Variants in TMEM38B observed in about 807,000 individuals in gnomAD.
TMEM38B encodes transmembrane protein 38B, also known as trimeric intracellular cation channel type B.
TMEM38B carries 24 observed loss-of-function variants against 28.7 expected under a neutral mutation model. The ratio of observed to expected loss-of-function variants is 0.84; its 90% CI spans 0.61 to 1.18. The LOEUF (loss-of-function observed/expected upper bound fraction) is 1.18. TMEM38B is among the 50% of genes most tolerant of loss of function. The pLI is 0.00. For synonymous variants in TMEM38B, 131 were observed against 127.7 expected (o/e 1.03, Z -0.17); for missense variants, 380 against 350.9 (o/e 1.08, Z -0.66).
intron 4 of TMEM38B, among the ~76,000 whole-genome samples, chr9:105,734,000 T>G (rs528519337): frequency 3.3e-5 from 5 of 152,188 alleles, no homozygotes; most frequent in African/African-American, 9.6e-5. Flanking sequence ...TGGGTTTACT[T>G]TGTTCTTTTT....
intron 5 of TMEM38B, among the ~76,000 whole-genome samples, chr9:105,750,568 T>A (rs1355226588): frequency 6.6e-6 from 1 of 152,194 alleles, no homozygotes; most frequent in Non-Finnish European, 1.5e-5. Context: ...GAGATGAGAT[T>A]GTGCCACTGC....
chr9:105,704,332 G>T (rs1165014569), intron 1 of TMEM38B, among the ~76,000 whole-genome samples: 1 of 152,100 alleles, frequency 6.6e-6, no homozygotes, highest in Non-Finnish European at 1.5e-5. Context: ...AGGATGCTGA[G>T]GTTGCTGTGA....
rs573931577 is a variant in TMEM38B, at chr9:105,755,499, T to G, written c.660+7309T>G. On this transcript the variant is annotated intron_variant, in intron 5 of 5. Coordinates refer to ENST00000374692, the MANE Select transcript of TMEM38B (RefSeq NM_018112.3). ...ATAGATAATAAAAAAGAAGTGTGAC[T>G]CCTCTGAGTTTGTTGTTCTTTTTCA... Among the ~76,000 whole-genome samples, 6 of 152,310 alleles carry G rather than the reference T, an allele frequency of 3.9e-5. No homozygotes were observed. The East Asian group carries it at 9.6e-4, about 24-fold the overall frequency.
Position 105,773,740 on chromosome 9 carries a change from G to A in TMEM38B, c.661-125G>A, listed in dbSNP as rs73667013. 2,299 of 815,134 alleles carry A rather than the reference G, an allele frequency of 2.8e-3. 23 individuals carry two copies. Among genetic ancestry groups the A allele is most frequent in the African/African-American group, 0.024 (1,402 of 57,724 alleles). The allele number at this position is 815,134 out of a possible 1,614,324, so 50.5% of individuals were successfully genotyped here. A position where few individuals can be genotyped will look rare whatever the true frequency, so the allele number is the denominator to read the frequency against. On this transcript the variant is annotated intron_variant, in intron 5 of 5. Transcript: ENST00000374692. ...AGAACAGAGATTTTACCAGAATCTA[G>A]CTTAGATTGCTTCCCCTGCAGATTA...
At chr9:105,714,804 C>T (rs1360267751) in intron 2 of TMEM38B, among the ~76,000 whole-genome samples, 7 of 152,120 alleles carry the variant, frequency 4.6e-5, no homozygotes, top group Admixed American at 1.3e-4. Context: ...TTCTCTAAGA[C>T]GTTCTGGTTT....
chr9:105,771,265 C>G (rs1191883220), intron 5 of TMEM38B, among the ~76,000 whole-genome samples: 2 of 152,086 alleles, frequency 1.3e-5, no homozygotes, highest in Admixed American at 6.6e-5. Flanking sequence ...AGGATTTATT[C>G]TATTTGTCAC....
chr9:105,762,346 C>T lies in TMEM38B; in HGVS notation c.661-11519C>T, dbSNP rs1334612592. On this transcript the variant is annotated intron_variant, in intron 5 of 5. Transcript: ENST00000374692. Reference sequence around the variant, plus strand: ...TATGTATACATGTGCCATGCTGGTGCGCTGCACCCACTAACTCATTATCTA... The same window carrying T: ...TATGTATACATGTGCCATGCTGGTGTGCTGCACCCACTAACTCATTATCTA... 4.0e-5 allele frequency among the ~76,000 whole-genome samples: 6 copies of T among 150,624 alleles called. No individual in the cohort carries two copies. The South Asian group carries it at 8.4e-4, about 21-fold the overall frequency.
intron 5 of TMEM38B, chr9:105,759,737 A>G (rs1269240869): frequency 5.0e-6 from 8 of 1,604,200 alleles, no homozygotes; most frequent in Non-Finnish European, 6.0e-6. Context: ...TCAGAGGAAA[A>G]TATTCAAAAG....
At chr9:105,719,040 T>C (rs113531902) in intron 2 of TMEM38B, among the ~76,000 whole-genome samples, 249 of 152,346 alleles carry the variant, frequency 1.6e-3, no homozygotes, top group African/African-American at 5.7e-3. Context: ...TAAGTGATAC[T>C]GTCTTCGATA....
intron 1 of TMEM38B, among the ~76,000 whole-genome samples, 165 bp from the exon 2 acceptor site, chr9:105,705,432 G>T (rs1002711871): frequency 6.6e-5 from 10 of 152,182 alleles, no homozygotes; most frequent in African/African-American, 2.4e-4. Flanking sequence ...TTGCTTTAAA[G>T]AATAAAAGGT....
chr9:105,721,929 T>C (rs376109682), intron 3 of TMEM38B, among the ~76,000 whole-genome samples: 1 of 152,176 alleles, frequency 6.6e-6, no homozygotes, highest in East Asian at 1.9e-4. Flanking sequence ...GAGTGTCTTA[T>C]GATAGAAAAT....
At chr9:105,748,686 A>G (rs770643496) in intron 5 of TMEM38B, among the ~76,000 whole-genome samples, 1 of 152,200 alleles carries the variant, frequency 6.6e-6, no homozygotes, top group Admixed American at 6.5e-5. Flanking sequence ...TTTGCTGCCT[A>G]GTCCCTGAAT....
At chr9:105,741,313 AC>A (rs1837194202) in intron 4 of TMEM38B, among the ~76,000 whole-genome samples, 1 of 152,196 alleles carries the variant, frequency 6.6e-6, no homozygotes, top group Non-Finnish European at 1.5e-5. Flanking sequence ...TGCTGCTGTA[AC>A]AGATACCTGG....
intron 5 of TMEM38B, among the ~76,000 whole-genome samples, chr9:105,764,772 C>T (rs1315655156): frequency 6.6e-6 from 1 of 151,206 alleles, no homozygotes; most frequent in Non-Finnish European, 1.5e-5. Flanking sequence ...CCCGCATCGC[C>T]AAGTCATCCT....
intron 5 of TMEM38B, among the ~76,000 whole-genome samples, chr9:105,753,286 G>A (rs898464667): frequency 2.6e-5 from 4 of 152,100 alleles, no homozygotes; most frequent in Non-Finnish European, 5.9e-5. Context: ...AACAAGACAA[G>A]CCAACATTCA....
intron 1 of TMEM38B, among the ~76,000 whole-genome samples, chr9:105,697,262 G>C (rs1835320826): frequency 6.6e-6 from 1 of 152,118 alleles, no homozygotes; most frequent in African/African-American, 2.4e-5. Context: ...CTAATTTTTA[G>C]GGATGTAGAG....
intron 5 of TMEM38B, among the ~76,000 whole-genome samples, chr9:105,767,985 T>C (rs1588478955): frequency 6.6e-6 from 1 of 152,072 alleles, no homozygotes; most frequent in African/African-American, 2.4e-5. Context: ...ATGGTGAGAG[T>C]AGACATCTTT....
chr9:105,758,414 A>G, intron 5 of TMEM38B: 2 of 1,373,376 alleles, frequency 1.5e-6, no homozygotes, highest in South Asian at 1.2e-5. Context: ...GAATGCCTCT[A>G]AGAAAACACA....
At chr9:105,744,379 T>C (rs1319579663) in intron 4 of TMEM38B, among the ~76,000 whole-genome samples, 1 of 151,978 alleles carries the variant, frequency 6.6e-6, no homozygotes, top group Non-Finnish European at 1.5e-5. Flanking sequence ...ACCTGCCATT[T>C]TTAACTTAGA....
Sources: allele counts gnomAD v4.1 joint callset (sites outside exome capture counted in the v4.1 genomes callset), GRCh38; gene constraint gnomAD v4.1.1; transcripts MANE v1.5; gene names NCBI Gene and HGNC (gene_info 2026-07-23, HGNC 2026-07-21).